CERK: variants seen among roughly 807,000 people sequenced by gnomAD.
CERK encodes the protein ceramide kinase, also known as acylsphingosine kinase.
Under a neutral mutation model 63.4 loss-of-function variants are expected in CERK, and 39 were observed. The observed-to-expected ratio is 0.61, with a 90% CI of 0.48 to 0.80. The LOEUF (loss-of-function observed/expected upper bound fraction) is 0.80, where lower values mean the gene tolerates loss of function less well. Among genes scored for constraint, CERK ranks in the 30% least tolerant of loss-of-function variants. The pLI, the probability that CERK is intolerant of heterozygous loss-of-function variation, is 0.00. For synonymous variants in CERK, 302 were observed against 280.0 expected (o/e 1.08, Z -0.78); for missense variants, 670 against 714.1 (o/e 0.94, Z 0.70).
At position 46,696,021 on chromosome 22, in the gene CERK, C is replaced by T. The variant is rs116127467; in HGVS notation, c.944-706G>A. Among the ~76,000 whole-genome samples the T allele has an allele frequency of 2.8e-3, 434 of 152,308 alleles. 2 individuals are homozygous for T. The highest frequency in any genetic ancestry group is 9.9e-3 in the African/African-American group (412 of 41,558). ...TCCGTGTCTGATGCTGGGGCTGGTG[C>T]TGCCCTGTATGACATCTGGTGTGGC... On this transcript the variant is annotated intron_variant, in intron 8 of 12. Transcript: ENST00000216264.
chr22:46,707,780 T>C (rs2082820287), intron 6 of CERK, 63 bp downstream of exon 6: 3 of 1,537,212 alleles, frequency 2.0e-6, no homozygotes, highest in Admixed American at 3.9e-5. Context: ...GGTGGCTACT[T>C]GTGCAGAACA....
intron 4 of CERK, 140 bp from the exon 5 acceptor site, chr22:46,711,289 T>C: frequency 1.5e-6 from 1 of 666,322 alleles, no homozygotes; most frequent in South Asian, 1.8e-5. Flanking sequence ...TCTTCAATTC[T>C]ACATCGCTCT....
intron 7 of CERK, among the ~76,000 whole-genome samples, chr22:46,700,776 C>T (rs2082779390): frequency 6.6e-6 from 1 of 152,148 alleles, no homozygotes; most frequent in South Asian, 2.1e-4. Context: ...CTTTGGAAGG[C>T]CGAGGCGGGT....
intron 3 of CERK, among the ~76,000 whole-genome samples, chr22:46,713,828 A>G (rs2082855044): frequency 6.6e-6 from 1 of 152,140 alleles, no homozygotes; most frequent in Non-Finnish European, 1.5e-5. Context: ...TTCAGAAGTC[A>G]TTGATTGAAA....
chr22:46,717,513 G>T (rs572851899), intron 3 of CERK, among the ~76,000 whole-genome samples: 1 of 152,234 alleles, frequency 6.6e-6, no homozygotes, highest in South Asian at 2.1e-4. Flanking sequence ...TCGCCACCAC[G>T]GTGGAAAACA....
chr22:46,690,987 ATATGTATGTATGTGTATG>A (rs2082727667), intron 11 of CERK, among the ~76,000 whole-genome samples: 2 of 146,032 alleles, frequency 1.4e-5, no homozygotes, highest in Non-Finnish European at 3.0e-5. Context: ...GTATGTGTGT[ATATGTATGTATGTGTATG>A]TATATACACA....
At chr22:46,726,932 G>A (rs186016889) in intron 1 of CERK, among the ~76,000 whole-genome samples, 8 of 152,308 alleles carry the variant, frequency 5.3e-5, no homozygotes, top group East Asian at 1.9e-4. Flanking sequence ...CCTCCGCTGC[G>A]GCTGCTGCTG....
rs2146569836 is a variant in CERK at position 46,712,157 on chromosome 22, G to A, written c.505+11C>T. On this transcript the variant is annotated intron_variant, in intron 4 of 12. Coordinates refer to ENST00000216264, the MANE Select transcript of CERK (RefSeq NM_022766.6). ...AACTTACTTCTACATAGTTAACATA[G>A]AATTTGTTACCGATGATGTCAGTGG... 1.2e-6 allele frequency: 2 copies of A among 1,613,798 alleles called. No homozygotes were observed. Among genetic ancestry groups the A allele is most frequent in the East Asian group, 2.2e-5 (1 of 44,876 alleles).
chr22:46,721,936 A>G (rs1038960284), intron 1 of CERK, among the ~76,000 whole-genome samples: 6 of 152,166 alleles, frequency 3.9e-5, no homozygotes, highest in Non-Finnish European at 5.9e-5. Context: ...TTGCACATCA[A>G]AGAAAGTTCT....
intron 9 of CERK, chr22:46,693,837 G>A (rs904677268): frequency 6.7e-5 from 23 of 345,050 alleles, no homozygotes; most frequent in Middle Eastern, 9.9e-4. Context: ...TTCCCCCAGC[G>A]GACTCCTGGG....
intron 3 of CERK, among the ~76,000 whole-genome samples, chr22:46,716,590 T>C (rs897374883): frequency 6.6e-6 from 1 of 151,534 alleles, no homozygotes; most frequent in Non-Finnish European, 1.5e-5. Context: ...ATTAATAAAT[T>C]CAATAAAAGA....
chr22:46,716,954 A>T (rs1255867074), intron 3 of CERK, among the ~76,000 whole-genome samples: 1 of 151,596 alleles, frequency 6.6e-6, no homozygotes. Flanking sequence ...AAAAAAAGAA[A>T]AAAAGAATGA....
intron 1 of CERK, among the ~76,000 whole-genome samples, chr22:46,721,510 C>CCAGACGGCGGGATGTT (rs1223568799): frequency 6.6e-6 from 1 of 152,050 alleles, no homozygotes; most frequent in Non-Finnish European, 1.5e-5. Context: ...CTCAATGTTA[C>CCAGACGGCGGGATGTT]CAGACGGCGG....
At chr22:46,715,548 C>G (rs1254381169) in intron 3 of CERK, among the ~76,000 whole-genome samples, 1 of 152,124 alleles carries the variant, frequency 6.6e-6, no homozygotes, top group Non-Finnish European at 1.5e-5. Context: ...AGGTTGGGCA[C>G]AGTGGTTCGT....
chr22:46,693,707 TAAAAGGTTTGGACATGAGGAG>T, intron 9 of CERK: 1 of 515,814 alleles, frequency 1.9e-6, no homozygotes, highest in East Asian at 3.6e-5. Flanking sequence ...TGTCCTTCTC[TAAAAGGTTTGGACATGAGGAG>T]AAGCACAGCA....
At chr22:46,727,950 T>C (rs2082927681) in intron 1 of CERK, among the ~76,000 whole-genome samples, 1 of 152,178 alleles carries the variant, frequency 6.6e-6, no homozygotes, top group Admixed American at 6.5e-5. Context: ...CTGTGGCATG[T>C]GGACGGGCAT....
At chr22:46,721,301 A>ATTTT (rs201415039) in intron 1 of CERK, among the ~76,000 whole-genome samples, 10 of 151,696 alleles carry the variant, frequency 6.6e-5, no homozygotes, top group African/African-American at 2.4e-4. Flanking sequence ...ATATATATAT[A>ATTTT]TATTTTTTTG....
At position 46,736,573 on chromosome 22, in the gene CERK, G is replaced by A. The variant is rs549405218; in HGVS notation, c.142+1434C>T. On this transcript the variant is annotated intron_variant, in intron 1 of 12. Coordinates refer to ENST00000216264, the MANE Select transcript of CERK (RefSeq NM_022766.6). ...ATTTACAACAAAGTACAAACCCTTC[G>A]GGCCCAGGTCAGGCACCTGTTCTCC... Among the ~76,000 whole-genome samples the A allele has an allele frequency of 9.8e-4, 150 of 152,318 alleles. 1 individual carries two copies. The Middle Eastern group carries it at 0.017, about 17-fold the overall frequency.
chr22:46,713,527 A>C lies in CERK; in HGVS notation c.380-1234T>G, dbSNP rs1003287023. ...TCATCTCAAAAAAAAAAAAAAAAAA[A>C]AACAAACAAACAAAAAAACACAGAC... On this transcript the variant is annotated intron_variant, in intron 3 of 12. Coordinates refer to ENST00000216264, the MANE Select transcript of CERK (RefSeq NM_022766.6). Among the ~76,000 whole-genome samples, 1,018 of 145,640 alleles carry C rather than the reference A, an allele frequency of 7.0e-3. 14 individuals carry two copies. Among genetic ancestry groups the C allele is most frequent in the African/African-American group, 0.025 (969 of 38,742 alleles).
Sources: gnomAD v4.1 joint callset for allele counts (sites outside exome capture counted in the v4.1 genomes callset) on GRCh38, gnomAD v4.1.1 for gene constraint, MANE v1.5 for transcripts, NCBI Gene and HGNC (gene_info 2026-07-23, HGNC 2026-07-21) for gene names.